The following PIK3C2A variants were observed in gnomAD, a reference collection of about 807,000 sequenced individuals.
PIK3C2A encodes the protein phosphatidylinositol 4-phosphate 3-kinase C2 domain-containing subunit alpha.
A neutral mutation model predicts 204.5 loss-of-function variants in PIK3C2A; 97 were observed. The observed-to-expected ratio is 0.47, with a 90% CI of 0.40 to 0.56. PIK3C2A has a LOEUF of 0.56. Ranked by LOEUF, PIK3C2A falls within the 20% of genes least tolerant of loss-of-function variation. The probability of loss-of-function intolerance (pLI) is 0.00; values close to 1 mark genes in which losing one functional copy is unlikely to be tolerated. For synonymous variants in PIK3C2A, 653 were observed against 664.4 expected, an observed-to-expected ratio of 0.98 and a Z score of 0.26; for missense variants, 1,735 against 1,969.2, an observed-to-expected ratio of 0.88 and a Z score of 2.25.
At chr11:17,205,100 C>T (rs961683139) in intron 1 of PIK3C2A, among the ~76,000 whole-genome samples, 1 of 151,698 alleles carries the variant, frequency 6.6e-6, no homozygotes, top group Non-Finnish European at 1.5e-5. Context: ...TTGCTTGAAC[C>T]CAGAAGGCAA....
chr11:17,183,292 A>G lies in PIK3C2A; in HGVS notation c.-65-13486T>C, dbSNP rs141144460. ...AGAAAATTCCAGATATCAACAATTCATAAGTCTTAAACAACTTTTATGAAA... is the reference window on the plus strand; with the variant it reads ...AGAAAATTCCAGATATCAACAATTCGTAAGTCTTAAACAACTTTTATGAAA... On this transcript the variant is annotated intron_variant, in intron 1 of 32. Transcript: ENST00000691414. Among the ~76,000 whole-genome samples, 8 of 152,388 alleles carry G rather than the reference A, an allele frequency of 5.2e-5. No homozygotes were observed. In the East Asian group the frequency reaches 1.3e-3, roughly 26 times the overall value.
chr11:17,088,693 AGACAAAG>A lies in PIK3C2A; in HGVS notation c.*1038_*1044del. 2 of 152,266 alleles carry A rather than the reference AGACAAAG, an allele frequency of 1.3e-5. No individual in the cohort carries two copies. The highest frequency in any genetic ancestry group is 3.8e-4 in the East Asian group (2 of 5,202). The allele number at this position is 152,266 out of a possible 1,614,324, so 9.4% of individuals were successfully genotyped here. A position where few individuals can be genotyped will look rare whatever the true frequency, so the allele number is the denominator to read the frequency against. ...GTTTACAAGACAAACTGGTCTACAC[AGACAAAG>A]GTCTATATTAAAGTTCAATCTGGAC... is the stretch of plus-strand genomic sequence containing the variant. On this transcript the variant is annotated 3_prime_UTR_variant, in exon 33 of 33. Transcript: ENST00000691414.
intron 27 of PIK3C2A, among the ~76,000 whole-genome samples, chr11:17,096,406 T>C (rs1359457890): frequency 1.3e-5 from 2 of 152,156 alleles, no homozygotes; most frequent in East Asian, 1.9e-4. Context: ...GATCTATCTA[T>C]AGCAGGCCAG....
At chr11:17,110,585 A>C (rs1210135498) in intron 21 of PIK3C2A, 24 bp from the exon 22 acceptor site, 1 of 1,597,834 alleles carries the variant, frequency 6.3e-7, no homozygotes, top group Admixed American at 1.7e-5. Flanking sequence ...AAACAAAATG[A>C]AACTTGTACA....
intron 1 of PIK3C2A, among the ~76,000 whole-genome samples, chr11:17,196,617 T>C (rs960134519): frequency 6.6e-6 from 1 of 152,176 alleles, no homozygotes; most frequent in Non-Finnish European, 1.5e-5. Context: ...TCACCCAGCC[T>C]GGAGTGCAGT....
chr11:17,119,914 T>G lies in PIK3C2A; in HGVS notation c.2718A>C (p.Pro906=). The G allele has an allele frequency of 1.2e-6, 2 of 1,610,940 alleles. No individual in the cohort carries two copies. The highest frequency in any genetic ancestry group is 1.7e-6 in the Non-Finnish European group (2 of 1,178,066). ...WEKRYYCFKH[P]NCLPKILASA... is the part of the protein sequence containing the mutation. ...TTGCTAATATTTTAGGAAGACAATTTGGGTGTTTGAAGCAATAATAACGTT... is the reference window on the plus strand; with the variant it reads ...TTGCTAATATTTTAGGAAGACAATTGGGGTGTTTGAAGCAATAATAACGTT... Residue 906 remains proline, a synonymous_variant, in exon 16 of 33, where the codon CCA becomes CCC. Coordinates refer to ENST00000691414, the MANE Select transcript of PIK3C2A (RefSeq NM_002645.4).
chr11:17,203,315 A>T, intron 1 of PIK3C2A, among the ~76,000 whole-genome samples: 1 of 151,932 alleles, frequency 6.6e-6, no homozygotes, highest in South Asian at 2.1e-4. Flanking sequence ...CAACATAGTG[A>T]GACACCATCT....
intron 1 of PIK3C2A, among the ~76,000 whole-genome samples, chr11:17,181,403 T>C (rs1407400843): frequency 6.6e-6 from 1 of 151,354 alleles, no homozygotes; most frequent in Non-Finnish European, 1.5e-5. Context: ...GCAATGCAAA[T>C]GGATCCACTA....
intron 2 of PIK3C2A, 147 bp downstream of exon 2, chr11:17,168,530 G>A (rs1007023483): frequency 6.6e-6 from 4 of 601,580 alleles, no homozygotes; most frequent in South Asian, 2.3e-5. Flanking sequence ...GCAGTGAGCC[G>A]AAATCACGCC....
At chr11:17,163,427 G>T (rs907429915) in intron 2 of PIK3C2A, among the ~76,000 whole-genome samples, 3 of 152,062 alleles carry the variant, frequency 2.0e-5, no homozygotes, top group East Asian at 1.9e-4. Context: ...TAGACACAGG[G>T]TCTCATTCTG....
At chr11:17,182,256 G>A (rs894385499) in intron 1 of PIK3C2A, among the ~76,000 whole-genome samples, 4 of 151,968 alleles carry the variant, frequency 2.6e-5, no homozygotes, top group Admixed American at 6.6e-5. Context: ...TATATGATTT[G>A]TGCACTTTTC....
chr11:17,194,124 G>A lies in PIK3C2A; in HGVS notation c.-66+13724C>T, dbSNP rs1284923228. On this transcript the variant is annotated intron_variant, in intron 1 of 32. Transcript: ENST00000691414. ...AAGGGTGTCAGCAGCAAGCTCCATC[G>A]ACTTGCCTACATTGCCCACCCCAAG... 8.2e-6 allele frequency: 6 copies of A among 729,924 alleles called. No individual in the cohort carries two copies. In the African/African-American group the frequency reaches 9.2e-5, roughly 11 times the overall value. The allele number at this position is 729,924 out of a possible 1,614,324, so 45.2% of individuals were successfully genotyped here. A position where few individuals can be genotyped will look rare whatever the true frequency, so the allele number is the denominator to read the frequency against.
At chr11:17,110,314 T>G in intron 22 of PIK3C2A, 118 bp downstream of exon 22, 2 of 710,492 alleles carry the variant, frequency 2.8e-6, no homozygotes, top group South Asian at 4.1e-5. Flanking sequence ...TAACACTGGA[T>G]TAAAATAAGA....
At chr11:17,131,323 TCTATAA>T (rs1417550384) in intron 12 of PIK3C2A, among the ~76,000 whole-genome samples, 1 of 152,202 alleles carries the variant, frequency 6.6e-6, no homozygotes, top group African/African-American at 2.4e-5. Context: ...TTCATTCCTT[TCTATAA>T]CTATAAATTT....
At chr11:17,103,188 A>C (rs940522472) in intron 23 of PIK3C2A, among the ~76,000 whole-genome samples, 15 of 104,036 alleles carry the variant, frequency 1.4e-4, no homozygotes, top group Non-Finnish European at 2.4e-4. Context: ...AGGATTCCAC[A>C]AACATGATGG....
chr11:17,117,505 C>T lies in PIK3C2A; in HGVS notation c.3202G>A (p.Gly1068Arg). The T allele has an allele frequency of 6.2e-7, 1 of 1,612,126 alleles. No individual in the cohort carries two copies. The highest frequency in any genetic ancestry group is 1.1e-5 in the South Asian group (1 of 90,996). ...GVAEKVRQAS[G>R]SARQVVLQRS... ...TGGGTACATACCTGTCTGGCTGATC[C>T]ACTAGCCTGCCTTACTTTTTCTGCT... is the stretch of plus-strand genomic sequence containing the variant. Residue 1068 changes from glycine to arginine, a missense_variant, in exon 19 of 33, where the codon GGA (glycine) becomes AGA (arginine). Physicochemically the swap from Gly to Arg is moderately radical, Grantham distance 125 (BLOSUM62 -2). Transcript: ENST00000691414.
In PIK3C2A at chr11:17,129,400, T is replaced by C; in HGVS notation, c.2299A>G (p.Ile767Val). 1 of 1,612,000 alleles carries C rather than the reference T, an allele frequency of 6.2e-7. No individual in the cohort carries two copies. Among genetic ancestry groups the C allele is most frequent in the Non-Finnish European group, 8.5e-7 (1 of 1,178,084 alleles). The change falls in exon 13 of 33, where the codon ATT (isoleucine) becomes GTT (valine). Residue 767 changes from isoleucine (I) to valine (V), a missense_variant. By Grantham distance (29) the Ile-to-Val change is conservative (BLOSUM62 3). This residue lies in a region of PIK3C2A where 567 missense variants were observed against 576.0 expected (regional missense o/e 0.98). Coordinates refer to ENST00000691414, the MANE Select transcript of PIK3C2A (RefSeq NM_002645.4). ...ESVLHLTLFGILNQSSGSSPD... is the reference protein window; with the variant it reads ...ESVLHLTLFGVLNQSSGSSPD... ...GAACTTCCACTGCTCTGATTTAAAATTCCAAAAAGAGTAAGGTGAAGAACT... is the reference window on the plus strand; with the variant it reads ...GAACTTCCACTGCTCTGATTTAAAACTCCAAAAAGAGTAAGGTGAAGAACT...
chr11:17,169,213 G>A lies in PIK3C2A; in HGVS notation c.529C>T (p.Pro177Ser). The change falls in exon 2 of 33, where the codon CCC becomes TCC. Residue 177 changes from proline (P) to serine (S), a missense_variant. This residue lies in a region of PIK3C2A where 536 missense variants were observed against 546.7 expected (regional missense o/e 0.98). Transcript: ENST00000691414. ...AFQNGFNPRM[P>S]TFPSTEPIYL... ...ATAGGTTCTGTAGATGGAAAAGTGG[G>A]CATTCTTGGATTGAAGCCATTTTGG... 1 of 1,614,024 alleles carries A rather than the reference G, an allele frequency of 6.2e-7. No individual in the cohort carries two copies. Among genetic ancestry groups the A allele is most frequent in the Non-Finnish European group, 8.5e-7 (1 of 1,179,966 alleles).
chr11:17,143,711 T>G (rs1016914661), intron 8 of PIK3C2A, among the ~76,000 whole-genome samples: 1 of 149,228 alleles, frequency 6.7e-6, no homozygotes, highest in African/African-American at 2.5e-5. Context: ...CCAAGGCGAG[T>G]GGATCACTTG....
Sources: gnomAD v4.1 joint callset for allele counts (sites outside exome capture counted in the v4.1 genomes callset) on GRCh38, gnomAD v4.1.1 for gene constraint, gnomAD v4.1.1 regional missense constraint, MANE v1.5 for transcripts, NCBI Gene and HGNC (gene_info 2026-07-23, HGNC 2026-07-21) for gene names.